PAPOLA: variants seen among roughly 807,000 people sequenced by gnomAD.
PAPOLA encodes the protein poly(A) polymerase alpha, also known as polynucleotide adenylyltransferase alpha.
A neutral mutation model predicts 100.6 loss-of-function variants in PAPOLA; 15 were observed. That is an observed-to-expected ratio of 0.15 (90% CI 0.10 to 0.23). The LOEUF is 0.23. Among genes scored for constraint, PAPOLA ranks in the 10% least tolerant of loss-of-function variants. PAPOLA has a pLI of 1.00. For synonymous variants in PAPOLA, 293 were observed against 300.0 expected, an observed-to-expected ratio of 0.98 and a Z score of 0.24; for missense variants, 533 against 884.2, an observed-to-expected ratio of 0.60 and a Z score of 5.04.
Position 96,556,292 on chromosome 14 carries a change from C to A in PAPOLA, c.1883C>A (p.Ser628Tyr). The change falls in exon 19 of 22, where the codon TCT becomes TAT. Residue 628 changes from serine (S) to tyrosine (Y), a missense_variant. Transcript: ENST00000216277. ...CGTCTGGTAAACCCACCACCTAGAT[C>A]TTCAGGAAATGCAGCAACTTCAGGA... The part of the protein sequence containing the change: ...STRLVNPPPR[S>Y]SGNAATSGNA... 6.2e-7 allele frequency: 1 copy of A among 1,613,988 alleles called. No homozygotes were observed. The highest frequency in any genetic ancestry group is 8.5e-7 in the Non-Finnish European group (1 of 1,179,964).
intron 18 of PAPOLA, 22 bp downstream of exon 18, chr14:96,555,969 G>C: frequency 6.8e-7 from 1 of 1,474,030 alleles, no homozygotes; most frequent in African/African-American, 1.4e-5. Context: ...GGGTTTGTCA[G>C]GTTTGAGAAT....
At chr14:96,514,703 C>T (rs1367393418) in intron 1 of PAPOLA, among the ~76,000 whole-genome samples, 4 of 152,220 alleles carry the variant, frequency 2.6e-5, no homozygotes, top group South Asian at 2.1e-4. Flanking sequence ...ACCTGTTTCT[C>T]AGCTTTGGTC....
At chr14:96,507,093 A>T (rs949630005) in intron 1 of PAPOLA, among the ~76,000 whole-genome samples, 2 of 152,154 alleles carry the variant, frequency 1.3e-5, no homozygotes, top group African/African-American at 4.8e-5. Flanking sequence ...AAACAAAAAG[A>T]AACAGTTATA....
chr14:96,562,797 C>G, intron 20 of PAPOLA, 22 bp from the exon 21 acceptor site: 3 of 1,475,868 alleles, frequency 2.0e-6, no homozygotes, highest in Non-Finnish European at 2.8e-6. Flanking sequence ...TTTCCCCCTT[C>G]CCCATCCTCT....
intron 10 of PAPOLA, chr14:96,535,586 A>G (rs1899450154): frequency 2.9e-6 from 3 of 1,047,066 alleles, no homozygotes; most frequent in Admixed American, 5.5e-5. Context: ...ATAAAGAAAA[A>G]CTAAACATCA....
Position 96,544,374 on chromosome 14 carries a change from TATC to T in PAPOLA, c.1399+121_1399+123del. ...TTGAAATTACTTGCGAATATTGAAC[TATC>T]ATCAGAATAATGGTTTTGTATTAGT... On this transcript the variant is annotated intron_variant, in intron 15 of 21. Coordinates refer to ENST00000216277, the MANE Select transcript of PAPOLA (RefSeq NM_032632.5). 9.8e-6 allele frequency: 6 copies of T among 609,664 alleles called. No individual in the cohort carries two copies. The South Asian group carries it at 1.2e-4, about 12-fold the overall frequency. 37.8% of individuals were successfully genotyped at this position (609,664 alleles called of 1,614,324 possible).
intron 2 of PAPOLA, among the ~76,000 whole-genome samples, chr14:96,520,706 GTTAT>G (rs1473430168): frequency 6.6e-6 from 1 of 151,708 alleles, no homozygotes; most frequent in African/African-American, 2.4e-5. Flanking sequence ...TAATTTTGAT[GTTAT>G]TTATTTTTTT....
rs71103533 is a variant in PAPOLA, at chr14:96,507,280, G to GTTTTTTTT, written c.8+4698_8+4705dup. On this transcript the variant is annotated intron_variant, in intron 1 of 21. Transcript: ENST00000216277. ...ACTAAATTTTTTGTTTTGGAAAATAGTTTTTTTTTTTTTTTTTTTTTTTTT... is the reference window on the plus strand; with the variant it reads ...ACTAAATTTTTTGTTTTGGAAAATAGTTTTTTTTTTTTTTTTTTTTTTTTTTTTTTTTT... Among the ~76,000 whole-genome samples, 25 of 80,706 alleles carry GTTTTTTTT rather than the reference G, an allele frequency of 3.1e-4. 1 individual carries two copies. The highest frequency in any genetic ancestry group is 6.8e-4 in the African/African-American group (12 of 17,608). The allele number at this position is 80,706 out of a possible 152,430, so 52.9% of individuals were successfully genotyped here.
chr14:96,514,161 C>T (rs1363203198), intron 1 of PAPOLA, among the ~76,000 whole-genome samples: 2 of 151,378 alleles, frequency 1.3e-5, no homozygotes, highest in Non-Finnish European at 2.9e-5. Flanking sequence ...TAGGAACTTG[C>T]ACTATTTGCA....
At chr14:96,539,589 A>G (rs118036714) in intron 12 of PAPOLA, among the ~76,000 whole-genome samples, 6 of 152,230 alleles carry the variant, frequency 3.9e-5, no homozygotes, top group Middle Eastern at 3.4e-3. Context: ...ATTGGAAACT[A>G]TATATTTTTA....
At chr14:96,518,573 C>G (rs972400107) in intron 1 of PAPOLA, among the ~76,000 whole-genome samples, 6 of 151,996 alleles carry the variant, frequency 3.9e-5, no homozygotes, top group Non-Finnish European at 8.8e-5. Context: ...CTACGCCCAG[C>G]TAATTTTTTG....
intron 3 of PAPOLA, among the ~76,000 whole-genome samples, chr14:96,524,332 C>T (rs1898271925): frequency 6.6e-6 from 1 of 152,124 alleles, no homozygotes; most frequent in Non-Finnish European, 1.5e-5. Flanking sequence ...AATGCTTTCT[C>T]CCTCTTCCTG....
Position 96,555,824 on chromosome 14 carries a change from A to G in PAPOLA, c.1665-23A>G, listed in dbSNP as rs768946492. 6.3e-6 allele frequency: 8 copies of G among 1,272,878 alleles called. No individual in the cohort carries two copies. In the East Asian group the frequency reaches 7.2e-5, roughly 11 times the overall value. 78.8% of individuals were successfully genotyped at this position (1,272,878 alleles called of 1,614,324 possible). A position where few individuals can be genotyped will look rare whatever the true frequency, so the allele number is the denominator to read the frequency against. The stretch of plus-strand genomic sequence containing the variant: ...TTTTCTATTTTTAAATTTTGAGACA[A>G]TTTTTAATTTTTTTTTTTTTAGCAG... On this transcript the variant is annotated intron_variant, in intron 17 of 21. Transcript: ENST00000216277.
intron 15 of PAPOLA, among the ~76,000 whole-genome samples, chr14:96,547,001 C>CT (rs1900442604): frequency 6.6e-6 from 1 of 152,128 alleles, no homozygotes; most frequent in South Asian, 2.1e-4. Context: ...AGTTTCCAGG[C>CT]TGAGCTTCCT....
chr14:96,545,641 T>G (rs1287045324), intron 15 of PAPOLA, among the ~76,000 whole-genome samples: 1 of 152,056 alleles, frequency 6.6e-6, no homozygotes, highest in East Asian at 1.9e-4. Context: ...GCCAAGTAGG[T>G]TTTTTTGTCT....
intron 16 of PAPOLA, among the ~76,000 whole-genome samples, chr14:96,550,381 A>G (rs1286096670): frequency 2.0e-5 from 3 of 152,168 alleles, no homozygotes; most frequent in African/African-American, 7.2e-5. Flanking sequence ...ATTTGGAACC[A>G]TCTTGTGTAC....
intron 3 of PAPOLA, among the ~76,000 whole-genome samples, chr14:96,522,759 A>G (rs559788343): frequency 1.3e-5 from 2 of 152,264 alleles, no homozygotes; most frequent in South Asian, 2.1e-4. Context: ...TCATAAATAC[A>G]TGGCTGGGCT....
intron 3 of PAPOLA, among the ~76,000 whole-genome samples, chr14:96,522,108 CTTTCTTTCTTTT>C (rs1898026811): frequency 2.0e-5 from 2 of 98,340 alleles, no homozygotes; most frequent in African/African-American, 8.8e-5. Context: ...TAGCCTCTTT[CTTTCTTTCTTTT>C]TTTTTTTTTT....
At position 96,552,640 on chromosome 14, in the gene PAPOLA, AAT is replaced by A; in HGVS notation, c.1664+20_1664+21del. The stretch of plus-strand genomic sequence containing the variant: ...TCTCAGGGGTAAGGAAAAAGAGGGA[AAT>A]AGAAGTGGAGGGGCTGTTTGCTAAA... On this transcript the variant is annotated intron_variant, in intron 17 of 21. Transcript: ENST00000216277. 1 of 1,607,930 alleles carries A rather than the reference AAT, an allele frequency of 6.2e-7. No individual in the cohort carries two copies. Among genetic ancestry groups the A allele is most frequent in the Non-Finnish European group, 8.5e-7 (1 of 1,176,676 alleles).
Sources: gnomAD v4.1 joint callset for allele counts (sites outside exome capture counted in the v4.1 genomes callset) on GRCh38, gnomAD v4.1.1 for gene constraint, MANE v1.5 for transcripts, NCBI Gene and HGNC (gene_info 2026-07-23, HGNC 2026-07-21) for gene names.